LRRIQ1: variants seen among roughly 807,000 people sequenced by gnomAD.
LRRIQ1 encodes the protein leucine rich repeats and IQ motif containing 1, also known as leucine-rich repeat- and IQ domain-containing protein 1.
A neutral mutation model predicts 211.9 loss-of-function variants in LRRIQ1; 210 were observed. That is an observed-to-expected ratio of 0.99 (90% CI 0.89 to 1.11). LRRIQ1 has a LOEUF of 1.11. LRRIQ1 is among the 50% of genes most tolerant of loss of function. The pLI is 0.00. For missense variants in LRRIQ1, 2,136 were observed against 1,939.5 expected (o/e 1.10, Z -1.90); for synonymous variants, 699 against 650.1 (o/e 1.08, Z -1.14).
At chr12:85,247,419 G>A (rs898973828), downstream of LRRIQ1, among the ~76,000 whole-genome samples, 26 of 151,450 alleles carry the variant, frequency 1.7e-4, no homozygotes, top group African/African-American at 6.3e-4. Context: ...TTGAGCCTTT[G>A]AACTTTTCTA....
intron 24 of LRRIQ1, among the ~76,000 whole-genome samples, chr12:85,177,488 G>A (rs1043148886): frequency 2.6e-5 from 4 of 152,084 alleles, no homozygotes. Context: ...GGCAAGCGGG[G>A]GAGGTTGTGT....
At chr12:85,199,438 G>A (rs983133061) in intron 24 of LRRIQ1, among the ~76,000 whole-genome samples, 4 of 151,942 alleles carry the variant, frequency 2.6e-5, no homozygotes, top group Admixed American at 2.0e-4. Context: ...CATTATTTCT[G>A]GTCTCTCTAT....
chr12:85,066,685 G>A (rs1400086827), intron 9 of LRRIQ1, 63 bp from the exon 10 acceptor site: 2 of 1,329,602 alleles, frequency 1.5e-6, no homozygotes, highest in African/African-American at 3.0e-5. Context: ...CTTTTTGAAA[G>A]CTTTAAATAG....
At chr12:85,110,472 G>T (rs1029872105) in intron 15 of LRRIQ1, among the ~76,000 whole-genome samples, 1 of 151,986 alleles carries the variant, frequency 6.6e-6, no homozygotes, top group Non-Finnish European at 1.5e-5. Context: ...CTTGACCAAG[G>T]TTACATAGCT....
chr12:85,063,627 A>G (rs1032898193), intron 8 of LRRIQ1, among the ~76,000 whole-genome samples: 1 of 151,598 alleles, frequency 6.6e-6, no homozygotes, highest in African/African-American at 2.4e-5. Context: ...CAAATACTAG[A>G]TCATATTCAT....
downstream of LRRIQ1, among the ~76,000 whole-genome samples, chr12:85,267,128 C>A (rs1041157910): frequency 6.6e-6 from 1 of 151,952 alleles, no homozygotes; most frequent in Non-Finnish European, 1.5e-5. Context: ...CTCCCACAAA[C>A]GCTATAATAG....
intron 24 of LRRIQ1, among the ~76,000 whole-genome samples, chr12:85,181,994 T>C (rs1892002422): frequency 6.6e-6 from 1 of 152,062 alleles, no homozygotes; most frequent in Admixed American, 6.6e-5. Flanking sequence ...TGAGAAAGCC[T>C]TTCTATTGTT....
chr12:85,137,293 A>G (rs921968484), intron 18 of LRRIQ1, among the ~76,000 whole-genome samples: 3 of 151,332 alleles, frequency 2.0e-5, no homozygotes, highest in African/African-American at 7.3e-5. Context: ...TACAAGCTAC[A>G]TTGTACTTGG....
intron 1 of LRRIQ1, among the ~76,000 whole-genome samples, chr12:85,036,670 A>G (rs1354985526): frequency 2.0e-5 from 3 of 151,692 alleles, no homozygotes; most frequent in African/African-American, 4.8e-5. Flanking sequence ...CCACAAACCA[A>G]TTGACGTTAT....
intron 11 of LRRIQ1, among the ~76,000 whole-genome samples, chr12:85,084,608 CAG>C (rs1416769576): frequency 6.6e-6 from 1 of 151,904 alleles, no homozygotes; most frequent in African/African-American, 2.4e-5. Flanking sequence ...ACTACTGAAA[CAG>C]AATATCAATT....
intron 26 of LRRIQ1, among the ~76,000 whole-genome samples, chr12:85,238,994 A>G (rs1056756732): frequency 1.3e-5 from 2 of 152,200 alleles, no homozygotes; most frequent in African/African-American, 4.8e-5. Context: ...TAAATTTAAA[A>G]ATTTCATTCA....
At chr12:85,160,967 C>T (rs983868092) in intron 24 of LRRIQ1, among the ~76,000 whole-genome samples, 9 of 151,566 alleles carry the variant, frequency 5.9e-5, no homozygotes, top group African/African-American at 1.5e-4. Flanking sequence ...TATATATGAA[C>T]GTTTTATAAT....
intron 24 of LRRIQ1, among the ~76,000 whole-genome samples, chr12:85,163,352 C>G (rs1367956008): frequency 6.6e-6 from 1 of 152,024 alleles, no homozygotes; most frequent in East Asian, 1.9e-4. Context: ...CTGATGCCCC[C>G]CAGAAAAGTG....
intron 14 of LRRIQ1, among the ~76,000 whole-genome samples, chr12:85,105,241 G>A (rs1484928466): frequency 6.6e-6 from 1 of 151,834 alleles, no homozygotes; most frequent in Non-Finnish European, 1.5e-5. Flanking sequence ...ATTTTTGTGT[G>A]TCCTTTTATA....
chr12:85,098,753 G>A, intron 12 of LRRIQ1, 114 bp from the exon 13 acceptor site: 1 of 754,148 alleles, frequency 1.3e-6, no homozygotes, highest in Non-Finnish European at 2.0e-6. Flanking sequence ...CTTATGATAT[G>A]CACTTTATCA....
At position 85,056,895 on chromosome 12, in the gene LRRIQ1, T is replaced by G; in HGVS notation, c.2102T>G (p.Val701Gly). ...GAAAGCTCCATGGTATCTAAAGAAG[T>G]CAACTCTCTTAAATCTGAGATTAGA... Reference protein sequence around the residue: ...NAESSMVSKEVNSLKSEIRNI... With the variant: ...NAESSMVSKEGNSLKSEIRNI... The change falls in exon 8 of 27, where the codon GTC becomes GGC. Residue 701 changes from valine (V) to glycine (G), a missense_variant. By Grantham distance (109) the Val-to-Gly change is moderately radical. Transcript: ENST00000393217. 2 of 1,613,304 alleles carry G rather than the reference T, an allele frequency of 1.2e-6. No individual in the cohort carries two copies. The highest frequency in any genetic ancestry group is 1.7e-6 in the Non-Finnish European group (2 of 1,179,548).
intron 26 of LRRIQ1, among the ~76,000 whole-genome samples, chr12:85,237,151 G>C (rs1895226481): frequency 6.6e-6 from 1 of 151,908 alleles, no homozygotes; most frequent in Non-Finnish European, 1.5e-5. Context: ...ATGTAGTATA[G>C]ACCAGTCCTT....
At chr12:85,081,828 A>G (rs1032008133) in intron 11 of LRRIQ1, among the ~76,000 whole-genome samples, 1 of 142,640 alleles carries the variant, frequency 7.0e-6, no homozygotes, top group Non-Finnish European at 1.5e-5. Flanking sequence ...GTTTCAGGCT[A>G]TTGTGCCTCA....
chr12:85,153,377 T>C (rs1890354341), intron 21 of LRRIQ1, among the ~76,000 whole-genome samples: 1 of 151,536 alleles, frequency 6.6e-6, no homozygotes, highest in Admixed American at 6.6e-5. Context: ...ATGTAATTAA[T>C]TATTGTAAAC....
Sources: allele counts gnomAD v4.1 joint callset (sites outside exome capture counted in the v4.1 genomes callset), GRCh38; gene constraint gnomAD v4.1.1; transcripts MANE v1.5; gene names NCBI Gene and HGNC (gene_info 2026-07-23, HGNC 2026-07-21).